The following ARHGEF3 variants were observed in gnomAD, a reference collection of about 807,000 sequenced individuals.
ARHGEF3 encodes Rho guanine nucleotide exchange factor 3.
Under a neutral mutation model 63.2 loss-of-function variants are expected in ARHGEF3, and 28 were observed. The observed-to-expected ratio is 0.44, with a 90% confidence interval of 0.33 to 0.61. ARHGEF3 has a LOEUF of 0.61. Among genes scored for constraint, ARHGEF3 ranks in the 20% least tolerant of loss-of-function variants. The pLI is 0.03. For synonymous variants in ARHGEF3, 266 were observed against 254.2 expected (o/e 1.05, Z -0.44); for missense variants, 533 against 659.3 (o/e 0.81, Z 2.10).
intron 1 of ARHGEF3, among the ~76,000 whole-genome samples, chr3:56,780,129 C>G (rs60584636): frequency 0.33 from 50,447 of 151,896 alleles, 9,437 homozygotes; most frequent in Middle Eastern, 0.56. Context: ...CTGGACTATA[C>G]ACCTCTGCTT....
chr3:56,830,276 T>A (rs2038885375), intron 4 of ARHGEF3, among the ~76,000 whole-genome samples: 1 of 152,060 alleles, frequency 6.6e-6, no homozygotes, highest in Non-Finnish European at 1.5e-5. Context: ...GGATGGTTGG[T>A]GCTAGTGCTG....
intron 3 of ARHGEF3, chr3:56,940,226 G>C (rs1699107608): frequency 6.6e-6 from 1 of 152,064 alleles, no homozygotes; most frequent in Non-Finnish European, 1.5e-5. Flanking sequence ...CCATACCCCT[G>C]TACCTTTAAA....
intron 3 of ARHGEF3, among the ~76,000 whole-genome samples, chr3:56,956,582 A>G (rs1055089549): frequency 6.6e-6 from 1 of 152,222 alleles, no homozygotes; most frequent in Non-Finnish European, 1.5e-5. Context: ...TCTCGTGGCC[A>G]TAGGTGGGGT....
intron 1 of ARHGEF3, among the ~76,000 whole-genome samples, chr3:57,051,962 C>CA (rs35569376): frequency 0.083 from 11,930 of 142,908 alleles, 632 homozygotes; most frequent in East Asian, 0.2. Context: ...GAGTCTGCCT[C>CA]AAAAAAAAAA....
At position 56,729,356 on chromosome 3, in the gene ARHGEF3, T is replaced by A. The variant is rs2032943353; in HGVS notation, c.1495A>T (p.Thr499Ser). 1.2e-6 allele frequency: 2 copies of A among 1,614,018 alleles called. No individual in the cohort carries two copies. The highest frequency in any genetic ancestry group is 2.7e-5 in the African/African-American group (2 of 74,900). ...TCACAGTCGAGGCTGACCTCACTCG[T>A]GTCCATACTACAGTCTGACTCACTG... The part of the protein sequence containing the change: ...SDSESDCSMD[T>S]SEVSLDCERM... The change falls in exon 10 of 10, where the codon ACG becomes TCG. Residue 499 changes from threonine to serine, a missense_variant. Physicochemically the swap from Thr to Ser is moderately conservative, Grantham distance 58 (BLOSUM62 1). Transcript: ENST00000296315.
chr3:56,851,310 G>A (rs1578674576), intron 4 of ARHGEF3, among the ~76,000 whole-genome samples: 1 of 151,996 alleles, frequency 6.6e-6, no homozygotes, highest in South Asian at 2.1e-4. Flanking sequence ...TTCAATACCC[G>A]AATCATCCTC....
At chr3:56,867,457 CTATTTATTTATTTATT>C (rs36136849) in intron 4 of ARHGEF3, among the ~76,000 whole-genome samples, 1 of 149,622 alleles carries the variant, frequency 6.7e-6, no homozygotes, top group Non-Finnish European at 1.5e-5. Context: ...AGTTAAAATG[CTATTTATTTATTTATT>C]TATTTATTTA....
intron 4 of ARHGEF3, among the ~76,000 whole-genome samples, chr3:56,879,859 T>C (rs1296990640): frequency 1.3e-5 from 2 of 152,252 alleles, no homozygotes; most frequent in Non-Finnish European, 2.9e-5. Context: ...TTCACCATTG[T>C]TGCCTTTATG....
intron 4 of ARHGEF3, among the ~76,000 whole-genome samples, chr3:56,869,706 C>A (rs2040371011): frequency 6.6e-6 from 1 of 152,102 alleles, no homozygotes; most frequent in African/African-American, 2.4e-5. Flanking sequence ...TTACATAAAT[C>A]ATTTAGGGGT....
chr3:57,025,921 C>T (rs1275502629), intron 2 of ARHGEF3, among the ~76,000 whole-genome samples: 1 of 152,160 alleles, frequency 6.6e-6, no homozygotes, highest in Non-Finnish European at 1.5e-5. Flanking sequence ...ACCTTCAGCT[C>T]AAGCCCCAGA....
At chr3:56,955,466 G>A (rs1290379185) in intron 3 of ARHGEF3, among the ~76,000 whole-genome samples, 1 of 152,136 alleles carries the variant, frequency 6.6e-6, no homozygotes, top group African/African-American at 2.4e-5. Flanking sequence ...GCCTCCCAAA[G>A]TGCTGGGATT....
In ARHGEF3 at chr3:56,971,331, T is replaced by C. The variant is rs571947795; in HGVS notation, c.63-12442A>G. ...AGCCTGACATGGGGCTGTGGATCTG[T>C]ATTCACCCCAGTCATCTCCTTTTCC... On this transcript the variant is annotated intron_variant, in intron 2 of 12. Transcript: ENST00000338458. Among the ~76,000 whole-genome samples the C allele has an allele frequency of 5.5e-4, 84 of 152,240 alleles. 1 individual carries two copies. Among genetic ancestry groups the C allele is most frequent in the Non-Finnish European group, 6.8e-4 (46 of 68,006 alleles).
rs17057307 is a variant in ARHGEF3, at chr3:56,776,451, C to A, written c.97-2635G>T. 9.9e-3 allele frequency among the ~76,000 whole-genome samples: 1,509 copies of A among 152,254 alleles called. 27 individuals are homozygous for A. The highest frequency in any genetic ancestry group is 0.034 in the African/African-American group (1,420 of 41,544). On this transcript the variant is annotated intron_variant, in intron 1 of 9. Coordinates refer to ENST00000296315, the MANE Select transcript of ARHGEF3 (RefSeq NM_019555.3). ...TATGATCCAGCAATGTAAGCAGGTG[C>A]AATTTCAAAACCAGAACACTTACAG...
Position 56,837,083 on chromosome 3 carries a change from C to T in ARHGEF3, c.192+45209G>A, listed in dbSNP as rs571591603. On this transcript the variant is annotated intron_variant, in intron 4 of 12. Coordinates refer to the ARHGEF3 transcript ENST00000338458. ...AAGGATGCAGAACCTGCAGAAAGTA[C>T]ACTTTATTTGATAATCAAATGGTTT... 1.7e-4 allele frequency among the ~76,000 whole-genome samples: 26 copies of T among 152,262 alleles called. No individual in the cohort carries two copies. The East Asian group carries it at 4.8e-3, about 28-fold the overall frequency.
intron 2 of ARHGEF3, among the ~76,000 whole-genome samples, chr3:56,985,858 G>A (rs917347798): frequency 1.3e-5 from 2 of 152,148 alleles, no homozygotes; most frequent in African/African-American, 4.8e-5. Flanking sequence ...GGTGGGCAAG[G>A]GGAATTAGCA....
intron 2 of ARHGEF3, among the ~76,000 whole-genome samples, chr3:57,019,749 A>T (rs891209631): frequency 6.6e-6 from 1 of 152,210 alleles, no homozygotes; most frequent in Admixed American, 6.5e-5. Context: ...CATTATGAAA[A>T]GGGAACAATA....
intron 3 of ARHGEF3, among the ~76,000 whole-genome samples, chr3:56,907,122 C>G (rs534183549): frequency 4.5e-4 from 69 of 151,792 alleles, no homozygotes; most frequent in Admixed American, 1.5e-3. Context: ...GCTGGGATTA[C>G]AGGCCTGCAT....
chr3:56,729,664 A>T lies in ARHGEF3; in HGVS notation c.1229-42T>A, dbSNP rs2032977451. The stretch of plus-strand genomic sequence containing the variant: ...CATGAAAAACAAAGTCAATGGACAG[A>T]TCCTTCCTCAGGCCAAAGAGAACAC... On this transcript the variant is annotated intron_variant, in intron 9 of 9. Coordinates refer to ENST00000296315, the MANE Select transcript of ARHGEF3 (RefSeq NM_019555.3). The T allele has an allele frequency of 4.0e-6, 6 of 1,500,980 alleles. No homozygotes were observed. In the East Asian group the frequency reaches 1.4e-4, roughly 34 times the overall value. The allele number at this position is 1,500,980 out of a possible 1,614,324, so 93.0% of individuals were successfully genotyped here.
chr3:56,950,295 T>C (rs1332879692), intron 3 of ARHGEF3, among the ~76,000 whole-genome samples: 1 of 151,962 alleles, frequency 6.6e-6, no homozygotes, highest in Non-Finnish European at 1.5e-5. Flanking sequence ...CTAATTAAAC[T>C]AAAGAGCTTC....
Sources: gnomAD v4.1 joint callset for allele counts (sites outside exome capture counted in the v4.1 genomes callset) on GRCh38, gnomAD v4.1.1 for gene constraint, MANE v1.5 for transcripts, NCBI Gene and HGNC (gene_info 2026-07-23, HGNC 2026-07-21) for gene names.